Variants in ERBB4 observed in about 807,000 individuals in gnomAD.
The protein encoded by ERBB4 is receptor tyrosine-protein kinase erbB-4.
Under a neutral mutation model 158.0 loss-of-function variants are expected in ERBB4, and 42 were observed. The observed-to-expected ratio is 0.27, with a 90% CI of 0.21 to 0.34. The LOEUF (loss-of-function observed/expected upper bound fraction) is 0.34, where lower values mean the gene tolerates loss of function less well. Ranked by LOEUF, ERBB4 falls within the 10% of genes least tolerant of loss-of-function variation. The probability of loss-of-function intolerance (pLI) is 1.00; values close to 1 mark genes in which losing one functional copy is unlikely to be tolerated. For missense variants in ERBB4, 1,333 were observed against 1,624.1 expected (o/e 0.82, Z 3.08); for synonymous variants, 583 against 558.7 (o/e 1.04, Z -0.61).
chr2:211,834,500 G>A (rs758235224), intron 3 of ERBB4, among the ~76,000 whole-genome samples: 1 of 151,870 alleles, frequency 6.6e-6, no homozygotes, highest in African/African-American at 2.4e-5. Flanking sequence ...AAAAAAGAAG[G>A]GGGGTAGGGG....
chr2:212,048,492 ATAGT>A (rs550977670), intron 2 of ERBB4, among the ~76,000 whole-genome samples: 47 of 152,270 alleles, frequency 3.1e-4, no homozygotes, highest in African/African-American at 1.1e-3. Flanking sequence ...AAATGGACTG[ATAGT>A]TTGTTTAGCA....
At position 212,244,680 on chromosome 2, in the gene ERBB4, C is replaced by T. The variant is rs112529381; in HGVS notation, c.83-119777G>A. Among the ~76,000 whole-genome samples, 734 of 152,244 alleles carry T rather than the reference C, an allele frequency of 4.8e-3. 7 individuals carry two copies. Among genetic ancestry groups the T allele is most frequent in the Middle Eastern group, 0.017 (5 of 294 alleles). Reference sequence around the variant, plus strand: ...ATTTCCCTCATGATTTGCCATTCCTCTCACCTTGCACCAAAGCAAAGAAAA... The same window carrying T: ...ATTTCCCTCATGATTTGCCATTCCTTTCACCTTGCACCAAAGCAAAGAAAA... On this transcript the variant is annotated intron_variant, in intron 1 of 27. Transcript: ENST00000342788.
chr2:211,808,992 T>C (rs1159568414), intron 3 of ERBB4, among the ~76,000 whole-genome samples: 1 of 152,250 alleles, frequency 6.6e-6, no homozygotes, highest in Non-Finnish European at 1.5e-5. Context: ...CCTGAGACTT[T>C]GCTGAAGTTG....
At chr2:212,196,141 ACT>A (rs1559719077) in intron 1 of ERBB4, among the ~76,000 whole-genome samples, 1 of 152,144 alleles carries the variant, frequency 6.6e-6, no homozygotes, top group Non-Finnish European at 1.5e-5. Context: ...AAACTTAATT[ACT>A]AATACTCTAC....
intron 1 of ERBB4, among the ~76,000 whole-genome samples, chr2:212,228,763 A>T (rs1467453784): frequency 6.6e-6 from 1 of 152,264 alleles, no homozygotes; most frequent in Non-Finnish European, 1.5e-5. Context: ...ACAGACAAAC[A>T]AAACGTCACA....
At chr2:212,163,993 G>T (rs1426963315) in intron 1 of ERBB4, among the ~76,000 whole-genome samples, 2 of 151,886 alleles carry the variant, frequency 1.3e-5, no homozygotes, top group East Asian at 3.9e-4. Context: ...TAAAGATGGG[G>T]TCACCCTATG....
At chr2:212,416,358 C>T (rs1423988896) in intron 1 of ERBB4, among the ~76,000 whole-genome samples, 7 of 152,120 alleles carry the variant, frequency 4.6e-5, no homozygotes, top group African/African-American at 2.4e-5. Flanking sequence ...TTGCAACATC[C>T]TTTCATTCCT....
At chr2:212,121,756 T>C (rs879288982) in intron 2 of ERBB4, among the ~76,000 whole-genome samples, 1 of 152,136 alleles carries the variant, frequency 6.6e-6, no homozygotes, top group Non-Finnish European at 1.5e-5. Context: ...TGTATATTCC[T>C]AGTGTCTAAA....
intron 2 of ERBB4, among the ~76,000 whole-genome samples, chr2:212,102,094 A>ATATATATATATATATATG (rs2079102736): frequency 1.6e-5 from 2 of 129,026 alleles, no homozygotes; most frequent in South Asian, 4.7e-4. Context: ...TTTATTTTAT[A>ATATATATATATATATATG]TATATATATA....
At chr2:212,241,777 A>T (rs200618813) in intron 1 of ERBB4, among the ~76,000 whole-genome samples, 1 of 152,256 alleles carries the variant, frequency 6.6e-6, no homozygotes, top group South Asian at 2.1e-4. Context: ...TCAACAAAGT[A>T]AGTGTTTGTA....
intron 1 of ERBB4, among the ~76,000 whole-genome samples, chr2:212,237,802 C>T (rs191619108): frequency 1.2e-4 from 19 of 152,312 alleles, no homozygotes; most frequent in African/African-American, 4.3e-4. Context: ...AGAGAGGCAG[C>T]CTGGCTACAT....
intron 1 of ERBB4, among the ~76,000 whole-genome samples, chr2:212,205,098 A>G (rs957969493): frequency 6.6e-6 from 1 of 152,056 alleles, no homozygotes; most frequent in Non-Finnish European, 1.5e-5. Flanking sequence ...AATTACAGGC[A>G]TGAGCCACCG....
chr2:211,776,423 G>A (rs562368287), intron 4 of ERBB4, among the ~76,000 whole-genome samples: 1 of 152,236 alleles, frequency 6.6e-6, no homozygotes, highest in South Asian at 2.1e-4. Flanking sequence ...AAACTCTTTT[G>A]AGCTGCATTC....
chr2:211,733,479 A>G lies in ERBB4; in HGVS notation c.623-8285T>C, dbSNP rs184264759. Among the ~76,000 whole-genome samples the G allele has an allele frequency of 9.6e-4, 142 of 147,652 alleles. 2 individuals are homozygous for G. Among genetic ancestry groups the G allele is most frequent in the African/African-American group, 3.4e-3 (126 of 37,150 alleles). ...TAGTATTTTTAAGAATATTTTTAAA[A>G]ATTAGAATTGAGGTCTGCACCTTAA... On this transcript the variant is annotated intron_variant, in intron 5 of 27. Transcript: ENST00000342788.
At chr2:211,385,183 A>T (rs1293436100) in intron 27 of ERBB4, among the ~76,000 whole-genome samples, 4 of 152,114 alleles carry the variant, frequency 2.6e-5, no homozygotes, top group Admixed American at 2.6e-4. Flanking sequence ...CCAAATATAT[A>T]TATACAGAAT....
At chr2:211,984,246 C>G (rs749888363) in intron 2 of ERBB4, among the ~76,000 whole-genome samples, 3 of 151,982 alleles carry the variant, frequency 2.0e-5, no homozygotes, top group Non-Finnish European at 4.4e-5. Context: ...AGAGTAGAGC[C>G]CTCATGACTT....
Position 212,365,755 on chromosome 2 carries a change from A to G in ERBB4, c.82+172694T>C, listed in dbSNP as rs528222152. On this transcript the variant is annotated intron_variant, in intron 1 of 27. Coordinates refer to ENST00000342788, the MANE Select transcript of ERBB4 (RefSeq NM_005235.3). ...CTTTATATTTGTTCATCTACAAATC[A>G]TGATAATGTTTTTAAGCTAACTAGC... Among the ~76,000 whole-genome samples, 222 of 151,984 alleles carry G rather than the reference A, an allele frequency of 1.5e-3. 1 individual carries two copies. The highest frequency in any genetic ancestry group is 2.6e-3 in the Non-Finnish European group (177 of 67,890).
intron 1 of ERBB4, among the ~76,000 whole-genome samples, chr2:212,163,436 T>C: frequency 6.6e-6 from 1 of 152,060 alleles, no homozygotes; most frequent in Non-Finnish European, 1.5e-5. Context: ...AGCCATTTGC[T>C]GGTGTTCTAA....
chr2:212,099,376 A>C (rs1246953151), intron 2 of ERBB4, among the ~76,000 whole-genome samples: 4 of 152,064 alleles, frequency 2.6e-5, no homozygotes, highest in African/African-American at 7.2e-5. Context: ...TCTAGTTATA[A>C]GAAAATTATA....
Sources: gnomAD v4.1 joint callset for allele counts (sites outside exome capture counted in the v4.1 genomes callset) on GRCh38, gnomAD v4.1.1 for gene constraint, MANE v1.5 for transcripts, NCBI Gene and HGNC (gene_info 2026-07-23, HGNC 2026-07-21) for gene names.